The following NIT1 variants were observed in gnomAD, a reference collection of about 807,000 sequenced individuals.
The protein encoded by NIT1 is deaminated glutathione amidase.
NIT1 carries 30 observed loss-of-function variants against 36.8 expected under a neutral mutation model. The ratio of observed to expected loss-of-function variants is 0.82; its 90% CI spans 0.61 to 1.11. The LOEUF (loss-of-function observed/expected upper bound fraction) is 1.11. Ranked by LOEUF, NIT1 falls within the 50% of genes least tolerant of loss-of-function variation. The pLI is 0.00. For missense variants in NIT1, 438 were observed against 410.6 expected, an observed-to-expected ratio of 1.07 and a Z score of -0.58; for synonymous variants, 151 against 155.6, an observed-to-expected ratio of 0.97 and a Z score of 0.22.
At position 161,121,100 on chromosome 1, in the gene NIT1, G is replaced by C. The variant is rs1557974397; in HGVS notation, c.*335G>C. 1.6e-5 allele frequency: 19 copies of C among 1,152,886 alleles called. No individual in the cohort carries two copies. The highest frequency in any genetic ancestry group is 2.0e-5 in the Non-Finnish European group (19 of 928,422). The allele number at this position is 1,152,886 out of a possible 1,614,324, so 71.4% of individuals were successfully genotyped here. A position where few individuals can be genotyped will look rare whatever the true frequency, so the allele number is the denominator to read the frequency against. On this transcript the variant is annotated 3_prime_UTR_variant, in exon 7 of 7. Coordinates refer to ENST00000368009, the MANE Select transcript of NIT1 (RefSeq NM_005600.3). ...GGACATCGCCTTTGGGAACTAGAAG[G>C]GGAGTTGGTATTGTACCAGCTGGAC...
At position 161,120,539 on chromosome 1, in the gene NIT1, T is replaced by C. The variant is rs781555127; in HGVS notation, c.758T>C (p.Val253Ala). Residue 253 changes from valine to alanine, a missense_variant, in exon 7 of 7, where the codon GTA (valine) becomes GCA (alanine). Val to Ala is a moderately conservative substitution (Grantham distance 64, BLOSUM62 0). Transcript: ENST00000368009. ...CGTGCTATCGAAACCCAGTGCTATG[T>C]AGTGGCAGCAGCACAGTGTGGACGC... is the stretch of plus-strand genomic sequence containing the variant. ...RARAIETQCY[V>A]VAAAQCGRHH... is the part of the protein sequence containing the mutation. 1 of 1,614,210 alleles carries C rather than the reference T, an allele frequency of 6.2e-7. No individual in the cohort carries two copies. The highest frequency in any genetic ancestry group is 1.7e-5 in the Admixed American group (1 of 60,026).
At chr1:161,119,039 A>T in intron 2 of NIT1, 95 bp from the exon 3 acceptor site, 1 of 1,496,346 alleles carries the variant, frequency 6.7e-7, no homozygotes, top group Non-Finnish European at 9.2e-7. Context: ...ATCAAAAGGA[A>T]GTCCAGCTTT....
downstream of NIT1, chr1:161,123,888 G>T: frequency 6.2e-7 from 1 of 1,614,080 alleles, no homozygotes; most frequent in Non-Finnish European, 8.5e-7. Context: ...TGAGGGCTCT[G>T]GGGGTCACAT....
At chr1:161,120,380 T>G in intron 6 of NIT1, 119 bp from the exon 7 acceptor site, 1 of 1,455,264 alleles carries the variant, frequency 6.9e-7, no homozygotes, top group East Asian at 2.3e-5. Flanking sequence ...AAATAGTAAA[T>G]CATTCCTAGG....
Position 161,119,164 on chromosome 1 carries a change from C to A in NIT1, c.129C>A (p.Ser43=). 1 of 1,614,064 alleles carries A rather than the reference C, an allele frequency of 6.2e-7. No individual in the cohort carries two copies. Among genetic ancestry groups the A allele is most frequent in the East Asian group, 2.2e-5 (1 of 44,886 alleles). ...RPRAMAISSS[S]CELPLVAVCQ... is the part of the protein sequence containing the mutation. ...GAGCCATGGCTATCTCCTCTTCCTC[C>A]TGCGAACTGCCCCTGGTGGCTGTGT... The change falls in exon 3 of 7, where the codon TCC becomes TCA. Residue 43 remains serine (S), a synonymous_variant. Transcript: ENST00000368009.
downstream of NIT1, chr1:161,121,941 A>G (rs960630759): frequency 2.1e-5 from 13 of 605,912 alleles, no homozygotes; most frequent in East Asian, 1.7e-4. Flanking sequence ...GTAAATGGAA[A>G]AGGGAAATAA....
chr1:161,123,061 T>G (rs750781889), downstream of NIT1: 2 of 1,614,214 alleles, frequency 1.2e-6, no homozygotes, highest in Non-Finnish European at 1.7e-6. Context: ...TCTGGAACCC[T>G]TGAACTTCCT....
At chr1:161,123,741 C>T, downstream of NIT1, 2 of 1,087,872 alleles carry the variant, frequency 1.8e-6, no homozygotes, top group Non-Finnish European at 2.7e-6. Context: ...TGTGGGCGCA[C>T]AGCATCCTTT....
chr1:161,123,294 G>A (rs1220074289), downstream of NIT1: 7 of 1,409,122 alleles, frequency 5.0e-6, no homozygotes, highest in African/African-American at 2.8e-5. Flanking sequence ...GTTGGAATGA[G>A]GAAGGAATCA....
chr1:161,121,291 C>T, downstream of NIT1: 1 of 596,874 alleles, frequency 1.7e-6, no homozygotes, highest in Non-Finnish European at 2.1e-6. Flanking sequence ...ACCTATGATG[C>T]CCTTTGCCCA....
rs546830599 is a variant in NIT1 at position 161,118,312 on chromosome 1, G to A, written c.2+134G>A. On this transcript the variant is annotated intron_variant, in intron 1 of 6. Transcript: ENST00000368009. ...TGGAGCGGGCGGCGGGAGGGTGGAGGGCGGGGCGCGGCTTGGGGCCTGGGT... is the reference window on the plus strand; with the variant it reads ...TGGAGCGGGCGGCGGGAGGGTGGAGAGCGGGGCGCGGCTTGGGGCCTGGGT... 429 of 1,549,250 alleles carry A rather than the reference G, an allele frequency of 2.8e-4. 1 individual carries two copies. In the African/African-American group the frequency reaches 5.2e-3, roughly 19 times the overall value.
chr1:161,122,843 G>T, downstream of NIT1: 1 of 791,082 alleles, frequency 1.3e-6, no homozygotes, highest in Non-Finnish European at 2.0e-6. The surrounding 1 kb of genome is among the most constrained non-coding windows in gnomAD (Gnocchi z 4.2). Flanking sequence ...CTACAATAAG[G>T]ATGTCATAAC....
downstream of NIT1, chr1:161,123,943 C>T (rs1313708204): frequency 1.9e-6 from 3 of 1,613,886 alleles, no homozygotes; most frequent in Non-Finnish European, 2.5e-6. Context: ...AAGATCAGGG[C>T]ACACTGTAGG....
At chr1:161,121,269 T>C (rs2101730522), downstream of NIT1, 4 of 769,704 alleles carry the variant, frequency 5.2e-6, no homozygotes, top group South Asian at 2.2e-4. Context: ...AAAAAGGAAT[T>C]ACTTCACTTA....
chr1:161,118,739 T>C, intron 1 of NIT1, 47 bp from the exon 2 acceptor site: 2 of 1,519,810 alleles, frequency 1.3e-6, no homozygotes, highest in Non-Finnish European at 1.8e-6. Context: ...CCTAGAAATT[T>C]ATTGCTTGAA....
rs1164372854 is a variant in NIT1, at chr1:161,120,024, AAG to A, written c.591+77_592-77del. 22 of 1,607,544 alleles carry A rather than the reference AAG, an allele frequency of 1.4e-5. No homozygotes were observed. The Admixed American group carries it at 2.0e-4, about 15-fold the overall frequency. Reference sequence around the variant, plus strand: ...CTGGCAGTAGAGGATAGAAAGCCCTAAGAGAGGGGGTAATGGAAATATGACTA... The same window carrying A: ...CTGGCAGTAGAGGATAGAAAGCCCTAAGAGGGGGTAATGGAAATATGACTA... On this transcript the variant is annotated intron_variant, in intron 5 of 6. Coordinates refer to ENST00000368009, the MANE Select transcript of NIT1 (RefSeq NM_005600.3).
chr1:161,118,363 G>A, intron 1 of NIT1, 185 bp downstream of exon 1: 1 of 1,521,284 alleles, frequency 6.6e-7, no homozygotes, highest in Non-Finnish European at 8.8e-7. Context: ...CCACCAGGGA[G>A]GGGTGGGAGA....
At chr1:161,125,310 G>A (rs1292945043), downstream of NIT1, 1 of 152,028 alleles carries the variant, frequency 6.6e-6, no homozygotes, top group African/African-American at 2.4e-5. Context: ...AGCATCCTTG[G>A]CCTTTGCAGC....
rs764274434 is a variant in NIT1, at chr1:161,118,181, A to C, written c.2+3A>C. The C allele has an allele frequency of 6.2e-7, 1 of 1,614,100 alleles. No individual in the cohort carries two copies. On this transcript the variant is annotated splice_donor_region_variant and intron_variant, in intron 1 of 6. Coordinates refer to ENST00000368009, the MANE Select transcript of NIT1 (RefSeq NM_005600.3). Reference sequence around the variant, plus strand: ...AATGGTTTTGGCTATATCTTCATGTAGGACCTACTCCCTATCCCGTCGGCC... The same window carrying C: ...AATGGTTTTGGCTATATCTTCATGTCGGACCTACTCCCTATCCCGTCGGCC...
Sources: gnomAD v4.1 joint callset for allele counts on GRCh38, gnomAD v4.1.1 for gene constraint, Gnocchi (gnomAD v3.1) non-coding constraint, MANE v1.5 for transcripts, NCBI Gene and HGNC (gene_info 2026-07-23, HGNC 2026-07-21) for gene names.